CBFA2T3: variants seen among roughly 807,000 people sequenced by gnomAD.
CBFA2T3 encodes the protein CBFA2/RUNX1 partner transcriptional co-repressor 3, also known as transcriptional corepressor CBFA2T3.
Under a neutral mutation model 58.6 loss-of-function variants are expected in CBFA2T3, and 31 were observed. The ratio of observed to expected loss-of-function variants is 0.53; its 90% confidence interval spans 0.40 to 0.71. The LOEUF (loss-of-function observed/expected upper bound fraction) is 0.71, where lower values mean the gene tolerates loss of function less well. Among genes scored for constraint, CBFA2T3 ranks in the 30% least tolerant of loss-of-function variants. The pLI, the probability that CBFA2T3 is intolerant of heterozygous loss-of-function variation, is 0.00. For missense variants in CBFA2T3, 1,076 were observed against 963.1 expected, an observed-to-expected ratio of 1.12 and a Z score of -1.55; for synonymous variants, 531 against 421.9, an observed-to-expected ratio of 1.26 and a Z score of -3.17.
Position 88,885,230 on chromosome 16 carries a change from G to T in CBFA2T3, c.933C>A (p.Pro311=). ...TGCATGGCCGTTTGCTGAGGTGCTC[G>T]GGGTGCAGCGGGTCGCGGTCTGACC... ...ENGSDRDPLH[P]EHLSKRPCTL... Residue 311 remains proline (P), a synonymous_variant, in exon 7 of 12, where the codon CCC becomes CCA. Transcript: ENST00000268679. The surrounding 1 kb of genome is among the most constrained non-coding windows in gnomAD (Gnocchi z 5.3). The T allele has an allele frequency of 6.3e-7, 1 of 1,584,654 alleles. No individual in the cohort carries two copies.
intron 1 of CBFA2T3, among the ~76,000 whole-genome samples, chr16:88,913,031 G>C (rs1275395882): frequency 1.3e-5 from 2 of 152,254 alleles, no homozygotes; most frequent in African/African-American, 4.8e-5. Context: ...CCCTGCCAAA[G>C]CCCCTGCCCT....
rs967832253 is a variant in CBFA2T3, at chr16:88,953,354, G to C, written c.151+23303C>G. On this transcript the variant is annotated intron_variant, in intron 1 of 11. Transcript: ENST00000268679. The surrounding 1 kb of genome is among the most constrained non-coding windows in gnomAD (Gnocchi z 4.9). ...AAGAACGAAGGAAGGAGTGAGCGTG[G>C]GGAGAGCCAGCCAGGCTCCCCATGT... is the stretch of plus-strand genomic sequence containing the variant. 5.9e-5 allele frequency among the ~76,000 whole-genome samples: 9 copies of C among 152,206 alleles called. No individual in the cohort carries two copies. Among genetic ancestry groups the C allele is most frequent in the Non-Finnish European group, 1.2e-4 (8 of 68,038 alleles).
In CBFA2T3 at chr16:88,941,605, AGGGGGCGACGGGCGCGCCGCCTCCTGCG is replaced by A. The variant is rs1297036051; in HGVS notation, c.151+35024_151+35051del. Among the ~76,000 whole-genome samples the A allele has an allele frequency of 5.2e-3, 745 of 143,426 alleles. 4 individuals carry two copies. The highest frequency in any genetic ancestry group is 0.016 in the African/African-American group (629 of 39,268). The allele number at this position is 143,426 out of a possible 152,430, so 94.1% of individuals were successfully genotyped here. ...AGGGAGAGGGGAGAGGGGCGCGGGG[AGGGGGCGACGGGCGCGCCGCCTCCTGCG>A]GGGGGCGGCGCGGGGAGGCGCAGGC... On this transcript the variant is annotated intron_variant, in intron 1 of 11. Transcript: ENST00000268679.
chr16:88,882,108 C>G (rs541643418), intron 8 of CBFA2T3, among the ~76,000 whole-genome samples: 1 of 152,362 alleles, frequency 6.6e-6, no homozygotes, highest in Admixed American at 6.5e-5. Context: ...CTCGAGATGC[C>G]TGGGCTGCGC....
At position 88,881,441 on chromosome 16, in the gene CBFA2T3, T is replaced by C; in HGVS notation, c.1252A>G (p.Thr418Ala). 6.2e-7 allele frequency: 1 copy of C among 1,609,862 alleles called. No homozygotes were observed. Among genetic ancestry groups the C allele is most frequent in the Non-Finnish European group, 8.5e-7 (1 of 1,178,548 alleles). ...GCCTCCTGGCACCTGCGCAGCACCGTGAGCGAGCGCCGCGTCTTCTCCACC... is the reference window on the plus strand; with the variant it reads ...GCCTCCTGGCACCTGCGCAGCACCGCGAGCGAGCGCCGCGTCTTCTCCACC... Reference protein sequence around the residue: ...DMVEKTRRSLTVLRRCQEADR... With the variant: ...DMVEKTRRSLAVLRRCQEADR... Residue 418 changes from threonine to alanine, a missense_variant, in exon 9 of 12, where the codon ACG (threonine) becomes GCG (alanine). Transcript: ENST00000268679.
In CBFA2T3 at chr16:88,916,168, G is replaced by A. The variant is rs554952189; in HGVS notation, c.152-14512C>T. Among the ~76,000 whole-genome samples the A allele has an allele frequency of 1.8e-4, 28 of 151,700 alleles. No homozygotes were observed. The South Asian group carries it at 2.3e-3, about 12-fold the overall frequency. ...GGTGTGTGTGCATGTGTATTCATGC[G>A]TGTATTCATGTGTGCGCATGGGTGT... On this transcript the variant is annotated intron_variant, in intron 1 of 11. Coordinates refer to ENST00000268679, the MANE Select transcript of CBFA2T3 (RefSeq NM_005187.6).
intron 1 of CBFA2T3, among the ~76,000 whole-genome samples, chr16:88,932,791 CAAAAAAA>C (rs576934029): frequency 1.4e-4 from 4 of 27,862 alleles, no homozygotes; most frequent in African/African-American, 2.5e-4. Context: ...ACTAAAAATA[CAAAAAAA>C]AAAAAAAAAA....
chr16:88,901,108 G>T (rs1035173967), intron 2 of CBFA2T3, among the ~76,000 whole-genome samples: 2 of 152,278 alleles, frequency 1.3e-5, no homozygotes, highest in South Asian at 4.1e-4. Context: ...CCCCATCCGA[G>T]TTCCACGTTC....
chr16:88,934,042 T>G (rs961667114), intron 1 of CBFA2T3, among the ~76,000 whole-genome samples: 1 of 152,230 alleles, frequency 6.6e-6, no homozygotes, highest in Admixed American at 6.5e-5. Context: ...ATTATAAACA[T>G]TAATTTTGCC....
intron 1 of CBFA2T3, among the ~76,000 whole-genome samples, chr16:88,975,227 G>T (rs1031248366): frequency 0.024 from 2,124 of 88,868 alleles, 41 homozygotes; most frequent in South Asian, 0.065. Flanking sequence ...CTCCTCACCT[G>T]CAGCCATGTC....
chr16:88,970,920 G>A (rs1271375985), intron 1 of CBFA2T3, among the ~76,000 whole-genome samples: 1 of 152,186 alleles, frequency 6.6e-6, no homozygotes, highest in Admixed American at 6.5e-5. Context: ...GAGGAACACC[G>A]AGGGAAGGAG....
chr16:88,889,968 ACGACGCCCCG>A (rs1969559657), intron 5 of CBFA2T3, among the ~76,000 whole-genome samples: 1 of 142,056 alleles, frequency 7.0e-6, no homozygotes, highest in African/African-American at 2.7e-5. Context: ...TCCTCCAGGG[ACGACGCCCCG>A]TGATTCCTCC....
At chr16:88,972,275 G>A (rs1972674244) in intron 1 of CBFA2T3, among the ~76,000 whole-genome samples, 1 of 152,154 alleles carries the variant, frequency 6.6e-6, no homozygotes, top group Non-Finnish European at 1.5e-5. Context: ...TGGCAGTGAG[G>A]ACGTGCCCAG....
chr16:88,916,102 G>A (rs1970711361), intron 1 of CBFA2T3, among the ~76,000 whole-genome samples: 1 of 152,078 alleles, frequency 6.6e-6, no homozygotes, highest in Non-Finnish European at 1.5e-5. Context: ...GTGTGTGCAT[G>A]GGTGTGTGTC....
intron 1 of CBFA2T3, among the ~76,000 whole-genome samples, chr16:88,908,974 G>C (rs1208567919): frequency 6.6e-6 from 1 of 152,002 alleles, no homozygotes; most frequent in Admixed American, 6.5e-5. Context: ...CCTGGCTCTG[G>C]ATCCGATCCT....
At chr16:88,960,700 C>T (rs907255241) in intron 1 of CBFA2T3, among the ~76,000 whole-genome samples, 3 of 152,254 alleles carry the variant, frequency 2.0e-5, no homozygotes. Context: ...GCAGAAATGC[C>T]AGGTACCAGA....
intron 3 of CBFA2T3, among the ~76,000 whole-genome samples, chr16:88,896,513 T>C (rs1457971322): frequency 6.6e-6 from 1 of 152,162 alleles, no homozygotes; most frequent in African/African-American, 2.4e-5. Context: ...CTTCTGAGCC[T>C]CTGTCCGGAG....
chr16:88,931,540 G>T (rs536999349), intron 1 of CBFA2T3, among the ~76,000 whole-genome samples: 1 of 151,570 alleles, frequency 6.6e-6, no homozygotes, highest in African/African-American at 2.4e-5. Flanking sequence ...GGCCGGCCCC[G>T]TGGACGAGCC....
intron 1 of CBFA2T3, among the ~76,000 whole-genome samples, chr16:88,962,600 C>T (rs1336880335): frequency 6.6e-6 from 1 of 152,178 alleles, no homozygotes; most frequent in African/African-American, 2.4e-5. Flanking sequence ...CCAAAGGGCA[C>T]ATTTGGGAGG....
Sources: allele counts gnomAD v4.1 joint callset (sites outside exome capture counted in the v4.1 genomes callset), GRCh38; gene constraint gnomAD v4.1.1; non-coding constraint Gnocchi (gnomAD v3.1); transcripts MANE v1.5; gene names NCBI Gene and HGNC (gene_info 2026-07-23, HGNC 2026-07-21).